Variants in GANC observed in about 807,000 individuals in gnomAD.
GANC encodes the protein neutral alpha-glucosidase C.
A neutral mutation model predicts 124.2 loss-of-function variants in GANC; 117 were observed. That is an observed-to-expected ratio of 0.94 (90% CI 0.81 to 1.10). GANC has a LOEUF of 1.10. GANC is among the 50% of genes least tolerant of loss of function. GANC has a pLI of 0.00. For synonymous variants in GANC, 377 were observed against 376.8 expected, an observed-to-expected ratio of 1.00 and a Z score of -0.01; for missense variants, 1,140 against 1,095.0, an observed-to-expected ratio of 1.04 and a Z score of -0.58.
At chr15:42,278,628 T>G in intron 3 of GANC, 38 bp downstream of exon 3, 1 of 1,442,744 alleles carries the variant, frequency 6.9e-7, no homozygotes. Flanking sequence ...ATAATTTGTT[T>G]CTGTATTTAT....
At chr15:42,287,483 C>T (rs1462220876) in intron 3 of GANC, among the ~76,000 whole-genome samples, 2 of 152,120 alleles carry the variant, frequency 1.3e-5, no homozygotes, top group African/African-American at 4.8e-5. Context: ...CCACAGAACA[C>T]ATAGGAGATA....
chr15:42,314,350 A>G (rs755279056), intron 10 of GANC: 1 of 544,644 alleles, frequency 1.8e-6, no homozygotes, highest in Non-Finnish European at 3.3e-6. Flanking sequence ...TTGGGGATCT[A>G]TATTGGAAGG....
intron 10 of GANC, among the ~76,000 whole-genome samples, chr15:42,319,855 A>G (rs922554961): frequency 3.9e-5 from 6 of 152,168 alleles, no homozygotes; most frequent in Admixed American, 3.9e-4. Context: ...TCCAATGAGC[A>G]TTTCCTTTGA....
chr15:42,341,554 A>G (rs969936093), intron 18 of GANC, among the ~76,000 whole-genome samples: 1 of 149,700 alleles, frequency 6.7e-6, no homozygotes, highest in African/African-American at 2.5e-5. Flanking sequence ...GGTGACTCTC[A>G]TTTCTGAGTT....
chr15:42,273,624 A>C lies in GANC; in HGVS notation c.-858A>C, dbSNP rs1299462847. ...CTGTTGGAACCTGGTCAGCTGGGTT[A>C]GAGAGATCGCTACATGCCAGCCTGG... On this transcript the variant is annotated 5_prime_UTR_variant, in exon 1 of 24. Transcript: ENST00000318010. 1 of 673,114 alleles carries C rather than the reference A, an allele frequency of 1.5e-6. No homozygotes were observed. Among genetic ancestry groups the C allele is most frequent in the African/African-American group, 1.8e-5 (1 of 55,162 alleles). 41.7% of individuals were successfully genotyped at this position (673,114 alleles called of 1,614,324 possible). A position where few individuals can be genotyped will look rare whatever the true frequency, so the allele number is the denominator to read the frequency against.
chr15:42,288,672 A>G (rs372436201), intron 4 of GANC, among the ~76,000 whole-genome samples: 1 of 152,168 alleles, frequency 6.6e-6, no homozygotes, highest in East Asian at 1.9e-4. Flanking sequence ...AACTTAGTAA[A>G]CATAATTTTT....
At chr15:42,335,947 G>A (rs184972776) in intron 15 of GANC, among the ~76,000 whole-genome samples, 3 of 152,090 alleles carry the variant, frequency 2.0e-5, no homozygotes, top group African/African-American at 4.8e-5. Flanking sequence ...ACTACAAAAC[G>A]CTGCTCAAAG....
At position 42,301,086 on chromosome 15, in the gene GANC, A is replaced by G. The variant is rs1395990362; in HGVS notation, c.558+3430A>G. Reference sequence around the variant, plus strand: ...TGGCTGGCAAGATGGCTGAATAGGAACAGCTCCGGCCTGCAGCTGCCAGCA... The same window carrying G: ...TGGCTGGCAAGATGGCTGAATAGGAGCAGCTCCGGCCTGCAGCTGCCAGCA... On this transcript the variant is annotated intron_variant, in intron 6 of 23. Coordinates refer to ENST00000318010, the MANE Select transcript of GANC (RefSeq NM_198141.3). Among the ~76,000 whole-genome samples, 3 of 152,160 alleles carry G rather than the reference A, an allele frequency of 2.0e-5. No individual in the cohort carries two copies. The South Asian group carries it at 6.2e-4, about 32-fold the overall frequency.
Position 42,287,827 on chromosome 15 carries a change from A to G in GANC, c.329+9A>G. ...AAGCCAAGCACTGTAAGGTAAGCCA[A>G]GGAGCGAGGTATTTTAGAGACACGC... is the stretch of plus-strand genomic sequence containing the variant. On this transcript the variant is annotated intron_variant, in intron 4 of 23. Coordinates refer to ENST00000318010, the MANE Select transcript of GANC (RefSeq NM_198141.3). 2 of 1,604,630 alleles carry G rather than the reference A, an allele frequency of 1.2e-6. No individual in the cohort carries two copies. Among genetic ancestry groups the G allele is most frequent in the South Asian group, 1.1e-5 (1 of 89,594 alleles).
chr15:42,295,841 A>G (rs530152373), intron 5 of GANC, among the ~76,000 whole-genome samples: 43 of 152,292 alleles, frequency 2.8e-4, no homozygotes, highest in African/African-American at 9.6e-4. Context: ...TCATACACGC[A>G]TTAAAGATTG....
At chr15:42,325,734 G>T (rs551651663) in intron 11 of GANC, among the ~76,000 whole-genome samples, 3 of 152,144 alleles carry the variant, frequency 2.0e-5, no homozygotes, top group Non-Finnish European at 4.4e-5. Context: ...TTATAAAAGA[G>T]CATTGGCCTG....
intron 5 of GANC, 104 bp downstream of exon 5, chr15:42,293,021 C>A: frequency 9.4e-7 from 1 of 1,060,124 alleles, no homozygotes; most frequent in Non-Finnish European, 1.4e-6. Context: ...ATTGGTTTGC[C>A]TTATTTGCTC....
chr15:42,289,200 A>C (rs995886522), intron 4 of GANC, among the ~76,000 whole-genome samples: 42 of 152,160 alleles, frequency 2.8e-4, no homozygotes, highest in African/African-American at 9.7e-4. Flanking sequence ...AGTTTCCACC[A>C]ATCAGATGCA....
chr15:42,292,123 C>T (rs977894682), intron 4 of GANC, among the ~76,000 whole-genome samples: 25 of 152,066 alleles, frequency 1.6e-4, no homozygotes, highest in Non-Finnish European at 3.1e-4. Flanking sequence ...TCTAAAACAT[C>T]CTAACAATGT....
At chr15:42,284,022 T>C (rs1281062435) in intron 3 of GANC, 2 of 702,040 alleles carry the variant, frequency 2.8e-6, no homozygotes. Flanking sequence ...GACCATCCTC[T>C]GGATCCCGGG....
rs545578169 is a variant in GANC at position 42,297,926 on chromosome 15, G to A, written c.558+270G>A. ...CATTATTGCTAGGCAAGGAGAATCAGCCTTGAATAAAACAAATCCCAAACA... is the reference window on the plus strand; with the variant it reads ...CATTATTGCTAGGCAAGGAGAATCAACCTTGAATAAAACAAATCCCAAACA... On this transcript the variant is annotated intron_variant, in intron 6 of 23. Transcript: ENST00000318010. Among the ~76,000 whole-genome samples, 8 of 152,248 alleles carry A rather than the reference G, an allele frequency of 5.3e-5. No homozygotes were observed. In the East Asian group the frequency reaches 1.5e-3, roughly 29 times the overall value.
Position 42,273,481 on chromosome 15 carries a change from G to A in GANC, c.-1001G>A. 2 of 1,572,610 alleles carry A rather than the reference G, an allele frequency of 1.3e-6. No homozygotes were observed. Among genetic ancestry groups the A allele is most frequent in the Non-Finnish European group, 1.7e-6 (2 of 1,161,290 alleles). On this transcript the variant is annotated 5_prime_UTR_variant, in exon 1 of 24. Coordinates refer to ENST00000318010, the MANE Select transcript of GANC (RefSeq NM_198141.3). ...CTTCTTCCGGCTCTGCTCTAAGGGC[G>A]GGATTATCCGGGTCCTGGAAACGTC...
chr15:42,349,080 CTTG>C lies in GANC; in HGVS notation c.2419-298_2419-296del, dbSNP rs996424462. Among the ~76,000 whole-genome samples the C allele has an allele frequency of 1.9e-4, 29 of 152,204 alleles. 1 individual carries two copies. The highest frequency in any genetic ancestry group is 1.9e-3 in the South Asian group (9 of 4,820). On this transcript the variant is annotated intron_variant, in intron 21 of 23. Coordinates refer to ENST00000318010, the MANE Select transcript of GANC (RefSeq NM_198141.3). ...TTGTCATTCAATGAACTTTCTTGGC[CTTG>C]TTGTCACATTCTGGTGGAGTATTTT...
chr15:42,278,525 T>G lies in GANC; in HGVS notation c.136T>G (p.Leu46Val), dbSNP rs778379534. Residue 46 changes from leucine (L) to valine (V), a missense_variant, in exon 3 of 24, where the codon TTA (leucine) becomes GTA (valine). Coordinates refer to ENST00000318010, the MANE Select transcript of GANC (RefSeq NM_198141.3). ...TTCCAAGAAGTCCACCTATCAGGCA[T>G]TATTGGATTCAGTCACAACAGATGA... The part of the protein sequence containing the change: ...WLSKKSTYQA[L>V]LDSVTTDEDS... The G allele has an allele frequency of 2.5e-6, 4 of 1,613,056 alleles. No homozygotes were observed. The highest frequency in any genetic ancestry group is 3.4e-6 in the Non-Finnish European group (4 of 1,179,538).
Sources: gnomAD v4.1 joint callset for allele counts (sites outside exome capture counted in the v4.1 genomes callset) on GRCh38, gnomAD v4.1.1 for gene constraint, MANE v1.5 for transcripts, NCBI Gene and HGNC (gene_info 2026-07-23, HGNC 2026-07-21) for gene names.